Variants in ABLIM3 observed in about 807,000 individuals in gnomAD.
ABLIM3 encodes the protein actin-binding LIM protein 3.
ABLIM3 carries 61 observed loss-of-function variants against 109.5 expected under a neutral mutation model. That is an observed-to-expected ratio of 0.56 (90% CI 0.45 to 0.69). ABLIM3 has a LOEUF of 0.69. Among genes scored for constraint, ABLIM3 ranks in the 30% least tolerant of loss-of-function variants. ABLIM3 has a pLI of 0.00. For synonymous variants in ABLIM3, 300 were observed against 324.8 expected (o/e 0.92, Z 0.82); for missense variants, 796 against 889.5 (o/e 0.89, Z 1.34).
chr5:149,225,775 A>G (rs1761124555), intron 8 of ABLIM3, among the ~76,000 whole-genome samples: 1 of 151,846 alleles, frequency 6.6e-6, no homozygotes. Context: ...CTCATAGCTT[A>G]GCTCTCACTT....
chr5:149,252,545 G>T (rs1754032818), intron 22 of ABLIM3: 5 of 562,290 alleles, frequency 8.9e-6, no homozygotes, highest in Admixed American at 3.1e-5. Context: ...CTTATTCCTA[G>T]TAGTATTAGG....
At chr5:149,246,421 G>A (rs1418700955) in intron 16 of ABLIM3, 61 bp from the exon 17 acceptor site, 5 of 1,478,034 alleles carry the variant, frequency 3.4e-6, no homozygotes, top group South Asian at 1.2e-5. Context: ...AAAAAAAAAT[G>A]CCTTAAGCCA....
At chr5:149,255,990 G>C (rs1297416255) in intron 23 of ABLIM3, among the ~76,000 whole-genome samples, 2 of 152,234 alleles carry the variant, frequency 1.3e-5, no homozygotes, top group Non-Finnish European at 2.9e-5. Context: ...GGAGGGGTTA[G>C]GTAACTTGTC....
chr5:149,259,403 C>T lies in ABLIM3; in HGVS notation c.*999C>T. The stretch of plus-strand genomic sequence containing the variant: ...CAACTGAACAACCAGACAGACAACT[C>T]TCATCATCCTCCAGAGAGAAAATAG... On this transcript the variant is annotated 3_prime_UTR_variant, in exon 24 of 24. Transcript: ENST00000309868. 2 of 1,491,932 alleles carry T rather than the reference C, an allele frequency of 1.3e-6. No homozygotes were observed. The highest frequency in any genetic ancestry group is 4.2e-5 in the Admixed American group (2 of 47,744). 92.4% of individuals were successfully genotyped at this position (1,491,932 alleles called of 1,614,324 possible).
chr5:149,201,028 T>G (rs1022958267), intron 5 of ABLIM3, among the ~76,000 whole-genome samples: 2 of 152,188 alleles, frequency 1.3e-5, no homozygotes, highest in African/African-American at 4.8e-5. Flanking sequence ...TCAGAACCAC[T>G]GTCTAGGGAT....
At position 149,159,015 on chromosome 5, in the gene ABLIM3, C is replaced by T. The variant is rs558426453; in HGVS notation, c.13+16907C>T. 1.2e-4 allele frequency among the ~76,000 whole-genome samples: 18 copies of T among 152,270 alleles called. No homozygotes were observed. The South Asian group carries it at 3.7e-3, about 32-fold the overall frequency. ...ACACCTACCTATGATCCAGCAATGC[C>T]TCTCCTAGATATTTCCCTGTGAACG... On this transcript the variant is annotated intron_variant, in intron 2 of 23. Coordinates refer to ENST00000309868, the MANE Select transcript of ABLIM3 (RefSeq NM_014945.5).
At chr5:149,147,069 T>TTCTCTCTCTCTCTCTCTCTCTC (rs200724498) in intron 2 of ABLIM3, among the ~76,000 whole-genome samples, 2 of 148,646 alleles carry the variant, frequency 1.3e-5, no homozygotes, top group East Asian at 2.0e-4. Flanking sequence ...CTCTCTCTCT[T>TTCTCTCTCTCTCTCTCTCTCTC]TCTCTCTCTC....
chr5:149,141,969 G>A (rs908719933), intron 1 of ABLIM3, 40 bp from the exon 2 acceptor site: 36 of 1,345,132 alleles, frequency 2.7e-5, no homozygotes, highest in Non-Finnish European at 3.6e-5. Context: ...GAGCACCTGA[G>A]GATACAGAGC....
At chr5:149,209,065 G>A (rs1759291147) in intron 6 of ABLIM3, among the ~76,000 whole-genome samples, 1 of 152,186 alleles carries the variant, frequency 6.6e-6, no homozygotes, top group Admixed American at 6.5e-5. Context: ...CTGCATAGGT[G>A]AGCTGAGGTC....
At chr5:149,216,787 T>G in intron 7 of ABLIM3, 172 bp from the exon 8 acceptor site, 1 of 601,262 alleles carries the variant, frequency 1.7e-6, no homozygotes, top group Non-Finnish European at 3.0e-6. Context: ...ATCACGAAGC[T>G]TCCCGGCTGG....
At chr5:149,143,769 GA>G (rs1752692658) in intron 2 of ABLIM3, among the ~76,000 whole-genome samples, 1 of 152,110 alleles carries the variant, frequency 6.6e-6, no homozygotes, top group South Asian at 2.1e-4. Context: ...AGGAAAAGAG[GA>G]AAATCCTGTA....
chr5:149,159,603 CAGA>C lies in ABLIM3; in HGVS notation c.13+17500_13+17502del, dbSNP rs768182855. Among the ~76,000 whole-genome samples, 67 of 152,238 alleles carry C rather than the reference CAGA, an allele frequency of 4.4e-4. 1 individual carries two copies. The highest frequency in any genetic ancestry group is 7.8e-4 in the Non-Finnish European group (53 of 68,016). ...CCCTTAGATAGAATAGGCTTGCAAA[CAGA>C]AGAACTAACTTGAGATCTCAGCTCT... On this transcript the variant is annotated intron_variant, in intron 2 of 23. Transcript: ENST00000309868.
At chr5:149,197,133 C>G (rs752058525) in intron 3 of ABLIM3, among the ~76,000 whole-genome samples, 10 of 152,112 alleles carry the variant, frequency 6.6e-5, no homozygotes, top group Non-Finnish European at 1.2e-4. Flanking sequence ...GGGAAAAAAA[C>G]GTCCACGGCT....
chr5:149,224,003 G>T (rs1453283683), intron 8 of ABLIM3, among the ~76,000 whole-genome samples: 5 of 152,148 alleles, frequency 3.3e-5, no homozygotes, highest in Non-Finnish European at 2.9e-5. Context: ...TTCCCATGTT[G>T]CAATGCAGTA....
chr5:149,250,608 G>A, intron 20 of ABLIM3, 103 bp downstream of exon 20: 1 of 1,365,240 alleles, frequency 7.3e-7, no homozygotes, highest in Non-Finnish European at 1.0e-6. Flanking sequence ...AGGTCCTGGG[G>A]CTAGTGGTGG....
chr5:149,245,322 G>A (rs1753241062), intron 16 of ABLIM3, among the ~76,000 whole-genome samples: 1 of 152,216 alleles, frequency 6.6e-6, no homozygotes, highest in Non-Finnish European at 1.5e-5. Context: ...TGTCCAGCCT[G>A]AAGATGACAA....
At chr5:149,258,021 G>A (rs918306821) in intron 23 of ABLIM3, among the ~76,000 whole-genome samples, 1 of 152,198 alleles carries the variant, frequency 6.6e-6, no homozygotes, top group Non-Finnish European at 1.5e-5. Context: ...GGTGTGTAGT[G>A]GAAGCGGAAG....
intron 9 of ABLIM3, among the ~76,000 whole-genome samples, chr5:149,231,946 A>G (rs969517246): frequency 6.6e-6 from 1 of 152,242 alleles, no homozygotes; most frequent in African/African-American, 2.4e-5. Context: ...TGATAATGAA[A>G]TAATTCTTAA....
At chr5:149,155,216 T>C (rs890877380) in intron 2 of ABLIM3, among the ~76,000 whole-genome samples, 1 of 152,206 alleles carries the variant, frequency 6.6e-6, no homozygotes, top group African/African-American at 2.4e-5. Context: ...GTATTTTTAC[T>C]GTGATGGAGA....
Sources: allele counts gnomAD v4.1 joint callset (sites outside exome capture counted in the v4.1 genomes callset), GRCh38; gene constraint gnomAD v4.1.1; transcripts MANE v1.5; gene names NCBI Gene and HGNC (gene_info 2026-07-23, HGNC 2026-07-21).